Variants in ADAMTS19 observed in about 807,000 individuals in gnomAD.
ADAMTS19 encodes ADAM metallopeptidase with thrombospondin type 1 motif 19.
ADAMTS19 carries 93 observed loss-of-function variants against 153.3 expected under a neutral mutation model. The observed-to-expected ratio is 0.61, with a 90% CI of 0.51 to 0.72. The LOEUF (loss-of-function observed/expected upper bound fraction) is 0.72, where lower values mean the gene tolerates loss of function less well. Ranked by LOEUF, ADAMTS19 falls within the 30% of genes least tolerant of loss-of-function variation. ADAMTS19 has a pLI of 0.00. For missense variants in ADAMTS19, 1,482 were observed against 1,552.1 expected (o/e 0.95, Z 0.76); for synonymous variants, 600 against 556.6 (o/e 1.08, Z -1.10).
intron 7 of ADAMTS19, among the ~76,000 whole-genome samples, chr5:129,577,813 G>A (rs1283422585): frequency 1.3e-5 from 2 of 151,808 alleles, no homozygotes; most frequent in South Asian, 2.1e-4. Flanking sequence ...TTTAAGAATT[G>A]TAGAGATGTT....
At chr5:129,608,090 ATGTGTGTG>A in intron 8 of ADAMTS19, among the ~76,000 whole-genome samples, 1 of 104,544 alleles carries the variant, frequency 9.6e-6, no homozygotes. Flanking sequence ...TTTTATATAT[ATGTGTGTG>A]TGTGTGTGTG....
At chr5:129,522,297 GTGTATA>G (rs1298122437) in intron 3 of ADAMTS19, among the ~76,000 whole-genome samples, 13 of 112,848 alleles carry the variant, frequency 1.2e-4, no homozygotes, top group African/African-American at 5.0e-4. Flanking sequence ...ATGTGTGTGT[GTGTATA>G]TATATATATA....
rs570989843 is a variant in ADAMTS19 at position 129,597,957 on chromosome 5, C to G, written c.1478+1293C>G. Among the ~76,000 whole-genome samples the G allele has an allele frequency of 8.6e-5, 13 of 151,390 alleles. No homozygotes were observed. The South Asian group carries it at 2.1e-3, about 24-fold the overall frequency. On this transcript the variant is annotated intron_variant, in intron 8 of 22. Transcript: ENST00000274487. ...AAATGGCACAGGTTGGGGAATCAGACTTAATTTTGAATGCAGGCTTCCCTA... is the reference window on the plus strand; with the variant it reads ...AAATGGCACAGGTTGGGGAATCAGAGTTAATTTTGAATGCAGGCTTCCCTA...
At chr5:129,516,276 C>CTTT (rs61392717) in intron 3 of ADAMTS19, among the ~76,000 whole-genome samples, 1 of 134,118 alleles carries the variant, frequency 7.5e-6, no homozygotes, top group African/African-American at 2.7e-5. Context: ...TTTTTCTTTT[C>CTTT]TTTTTTTTTT....
chr5:129,542,423 G>C (rs972320193), intron 6 of ADAMTS19, among the ~76,000 whole-genome samples: 1 of 152,142 alleles, frequency 6.6e-6, no homozygotes, highest in Non-Finnish European at 1.5e-5. Context: ...GGGAAGGATA[G>C]GATTTACCTC....
At chr5:129,609,425 T>C (rs1437685465) in intron 8 of ADAMTS19, among the ~76,000 whole-genome samples, 4 of 152,210 alleles carry the variant, frequency 2.6e-5, no homozygotes, top group Non-Finnish European at 5.9e-5. Context: ...AGTAGTATTA[T>C]AGTTATTTTA....
chr5:129,602,291 G>A (rs1302394119), intron 8 of ADAMTS19, among the ~76,000 whole-genome samples: 4 of 151,980 alleles, frequency 2.6e-5, no homozygotes, highest in African/African-American at 7.3e-5. Flanking sequence ...AGGTTTCTCC[G>A]TGTTGGTCGG....
chr5:129,490,104 G>A (rs1750718797), intron 2 of ADAMTS19, among the ~76,000 whole-genome samples: 1 of 152,168 alleles, frequency 6.6e-6, no homozygotes, highest in South Asian at 2.1e-4. Flanking sequence ...GAAAGAAAAT[G>A]TATGAAATGA....
intron 17 of ADAMTS19, among the ~76,000 whole-genome samples, 170 bp downstream of exon 17, chr5:129,680,091 G>T (rs1754732332): frequency 1.3e-5 from 2 of 152,120 alleles, no homozygotes; most frequent in South Asian, 2.1e-4. Context: ...AAATCATGTT[G>T]TCTAAAAACA....
At chr5:129,480,213 T>C (rs750790770) in intron 2 of ADAMTS19, among the ~76,000 whole-genome samples, 84 of 152,166 alleles carry the variant, frequency 5.5e-4, no homozygotes, top group Non-Finnish European at 9.0e-4. Flanking sequence ...CCTTGACATA[T>C]GGTGCTGGAA....
chr5:129,577,992 C>G (rs191973254), intron 7 of ADAMTS19, among the ~76,000 whole-genome samples: 1 of 145,310 alleles, frequency 6.9e-6, no homozygotes, highest in African/African-American at 2.5e-5. Context: ...TAATCGTCTT[C>G]TTTTTTTCTT....
chr5:129,504,857 G>A (rs1412646125), intron 2 of ADAMTS19, among the ~76,000 whole-genome samples: 2 of 114,382 alleles, frequency 1.7e-5, no homozygotes, highest in Non-Finnish European at 3.5e-5. Flanking sequence ...GTAGTATTCT[G>A]TCTACACACA....
intron 7 of ADAMTS19, among the ~76,000 whole-genome samples, chr5:129,560,428 C>T (rs1447379453): frequency 1.3e-5 from 2 of 152,126 alleles, no homozygotes; most frequent in African/African-American, 4.8e-5. Context: ...TCACCTTGAA[C>T]AGGCATTATC....
chr5:129,658,781 T>C, intron 15 of ADAMTS19, 44 bp downstream of exon 15: 1 of 1,553,722 alleles, frequency 6.4e-7, no homozygotes, highest in Non-Finnish European at 8.7e-7. Flanking sequence ...CCCTGCAATC[T>C]TTGGGAACAC....
chr5:129,615,752 T>C (rs564699492), intron 8 of ADAMTS19, among the ~76,000 whole-genome samples: 194 of 151,928 alleles, frequency 1.3e-3, no homozygotes, highest in Non-Finnish European at 2.3e-3. Flanking sequence ...CAATTTTGGT[T>C]GATAGCAATA....
rs550009383 is a variant in ADAMTS19 at position 129,504,401 on chromosome 5, C to T, written c.748-4676C>T. Among the ~76,000 whole-genome samples the T allele has an allele frequency of 3.3e-5, 5 of 152,274 alleles. No individual in the cohort carries two copies. In the East Asian group the frequency reaches 7.7e-4, roughly 24 times the overall value. On this transcript the variant is annotated intron_variant, in intron 2 of 22. Transcript: ENST00000274487. ...ACAAAAATTACAAATACATACATCA[C>T]AAATGCACATATTTTTGGTGTGCAA...
At chr5:129,648,746 A>G in intron 12 of ADAMTS19, 52 bp from the exon 13 acceptor site, 1 of 1,470,210 alleles carries the variant, frequency 6.8e-7, no homozygotes. Context: ...TTTAAAACCT[A>G]GGTAGTTAAC....
At chr5:129,677,857 G>A (rs1294306048) in intron 16 of ADAMTS19, among the ~76,000 whole-genome samples, 1 of 151,972 alleles carries the variant, frequency 6.6e-6, no homozygotes, top group Non-Finnish European at 1.5e-5. Flanking sequence ...CTGTTGCCCA[G>A]GCTGGAGTGC....
At chr5:129,582,781 A>G (rs1417154640) in intron 7 of ADAMTS19, among the ~76,000 whole-genome samples, 1 of 150,668 alleles carries the variant, frequency 6.6e-6, no homozygotes, top group East Asian at 2.0e-4. Context: ...CATGTTAGCC[A>G]GGATGGTCTT....
Sources: gnomAD v4.1 joint callset for allele counts (sites outside exome capture counted in the v4.1 genomes callset) on GRCh38, gnomAD v4.1.1 for gene constraint, MANE v1.5 for transcripts, NCBI Gene and HGNC (gene_info 2026-07-23, HGNC 2026-07-21) for gene names.